RBM43: variants seen among roughly 807,000 people sequenced by gnomAD.
The protein encoded by RBM43 is RNA binding motif protein 43.
Under a neutral mutation model 12.4 loss-of-function variants are expected in RBM43, and 12 were observed. The ratio of observed to expected loss-of-function variants is 0.97; its 90% CI spans 0.62 to 1.57. RBM43 has a LOEUF of 1.57. Ranked by LOEUF, RBM43 falls within the 40% of genes most tolerant of loss-of-function variation. RBM43 has a pLI of 0.00. For missense variants in RBM43, 348 were observed against 400.1 expected (o/e 0.87, Z 1.11); for synonymous variants, 138 against 145.7 (o/e 0.95, Z 0.38).
Position 151,261,844 on chromosome 2 carries a change from T to C in RBM43, c.-117A>G. On this transcript the variant is annotated 5_prime_UTR_variant, in exon 1 of 4. Transcript: ENST00000331426. ...GTTTCGTTTTTTGTTCCAGCTCCCT[T>C]GGAGGCTACGAAGAAAAGGGCGGTC... The C allele has an allele frequency of 8.2e-7, 1 of 1,225,196 alleles. No individual in the cohort carries two copies. Among genetic ancestry groups the C allele is most frequent in the South Asian group, 1.4e-5 (1 of 70,268 alleles). 75.9% of individuals were successfully genotyped at this position (1,225,196 alleles called of 1,614,324 possible). A position where few individuals can be genotyped will look rare whatever the true frequency, so the allele number is the denominator to read the frequency against.
Position 151,258,867 on chromosome 2 carries a change from G to T in RBM43, c.3+2858C>A, listed in dbSNP as rs193077279. On this transcript the variant is annotated intron_variant, in intron 1 of 3. Transcript: ENST00000331426. ...AAGTAAATTATGGAATGCAGGCCGG[G>T]CACGGTGGCTCACACCTGTAATCCC... Among the ~76,000 whole-genome samples, 662 of 152,288 alleles carry T rather than the reference G, an allele frequency of 4.3e-3. 6 individuals carry two copies. Among genetic ancestry groups the T allele is most frequent in the Middle Eastern group, 0.02 (6 of 294 alleles).
Position 151,249,183 on chromosome 2 carries a change from AG to A in RBM43, c.*1722del, listed in dbSNP as rs1179137964. Reference sequence around the variant, plus strand: ...CTCCAAAGGCCAATGATTCTCCATGAGGTGAGTCAGCTTTGTATCCCACTTC... The same window carrying A: ...CTCCAAAGGCCAATGATTCTCCATGAGTGAGTCAGCTTTGTATCCCACTTC... On this transcript the variant is annotated 3_prime_UTR_variant, in exon 4 of 4. Coordinates refer to ENST00000331426, the MANE Select transcript of RBM43 (RefSeq NM_198557.3). 6.6e-6 allele frequency: 1 copy of A among 152,196 alleles called. No homozygotes were observed. The highest frequency in any genetic ancestry group is 2.4e-5 in the African/African-American group (1 of 41,442). 9.4% of individuals were successfully genotyped at this position (152,196 alleles called of 1,614,324 possible).
In RBM43 at chr2:151,251,168, T is replaced by C. The variant is rs1189239642; in HGVS notation, c.812A>G (p.Asn271Ser). The C allele has an allele frequency of 2.5e-6, 4 of 1,614,000 alleles. No individual in the cohort carries two copies. Among genetic ancestry groups the C allele is most frequent in the Non-Finnish European group, 3.4e-6 (4 of 1,180,030 alleles). ...LKSIQVGSQP[N>S]NAKHVKELIE... is the part of the protein sequence containing the mutation. ...GAGCTCTTTTACATGTTTTGCATTG[T>C]TTGGCTGAGAACCAACTTGAATGCT... Residue 271 changes from asparagine (N) to serine (S), a missense_variant, in exon 4 of 4, where the codon AAC (asparagine) becomes AGC (serine). By Grantham distance (46) the Asn-to-Ser change is conservative (BLOSUM62 1). Transcript: ENST00000331426.
At chr2:151,261,456 C>A in intron 1 of RBM43, 1 of 1,550,556 alleles carries the variant, frequency 6.4e-7, no homozygotes, top group Non-Finnish European at 8.7e-7. Flanking sequence ...GCCTCTGGAG[C>A]GGGCCTATAC....
intron 1 of RBM43, among the ~76,000 whole-genome samples, chr2:151,257,335 C>A (rs992340648): frequency 6.8e-6 from 1 of 146,782 alleles, no homozygotes; most frequent in African/African-American, 2.7e-5. Flanking sequence ...CACACACAAA[C>A]ACACACACAC....
chr2:151,248,859 T>A lies in RBM43; in HGVS notation c.*2047A>T, dbSNP rs1367850284. 3 of 152,166 alleles carry A rather than the reference T, an allele frequency of 2.0e-5. No homozygotes were observed. Among genetic ancestry groups the A allele is most frequent in the Non-Finnish European group, 1.5e-5 (1 of 68,026 alleles). 9.4% of individuals were successfully genotyped at this position (152,166 alleles called of 1,614,324 possible). ...AAGACAGGACAGAAAATAAAATACA[T>A]GCTTACCAGTAAGAATGATAAGCCT... On this transcript the variant is annotated 3_prime_UTR_variant, in exon 4 of 4. Transcript: ENST00000331426.
At chr2:151,259,148 A>AAAC (rs1683014410) in intron 1 of RBM43, among the ~76,000 whole-genome samples, 1 of 151,794 alleles carries the variant, frequency 6.6e-6, no homozygotes, top group Non-Finnish European at 1.5e-5. Flanking sequence ...CAAAAAAAAA[A>AAAC]AGGAAGAAAG....
At chr2:151,259,296 A>C (rs1683016504) in intron 1 of RBM43, among the ~76,000 whole-genome samples, 2 of 152,228 alleles carry the variant, frequency 1.3e-5, no homozygotes, top group African/African-American at 4.8e-5. Flanking sequence ...CCTGCTATAA[A>C]CAATATTTAC....
chr2:151,255,509 T>C (rs1466229127), intron 2 of RBM43, 24 bp downstream of exon 2: 1 of 1,468,406 alleles, frequency 6.8e-7, no homozygotes, highest in African/African-American at 1.4e-5. Flanking sequence ...TTTCTAAAAT[T>C]ACAAAAATTT....
chr2:151,251,731 T>C, intron 3 of RBM43, 67 bp from the exon 4 acceptor site: 1 of 1,443,816 alleles, frequency 6.9e-7, no homozygotes, highest in Non-Finnish European at 9.4e-7. Context: ...AACATGTTCT[T>C]TTCTGCCACT....
intron 1 of RBM43, chr2:151,261,254 G>T (rs1324939448): frequency 1.1e-5 from 17 of 1,545,250 alleles, no homozygotes; most frequent in Non-Finnish European, 1.4e-5. Flanking sequence ...TCCTTGGCTC[G>T]AATCGTTCTT....
chr2:151,250,447 A>C lies in RBM43; in HGVS notation c.*459T>G, dbSNP rs568615051. ...CCATCTCTACTAAAAAAATACAAAA[A>C]GATTAGCCGGGCGTGGTGGTGGGCA... On this transcript the variant is annotated 3_prime_UTR_variant, in exon 4 of 4. Transcript: ENST00000331426. 1 of 152,534 alleles carries C rather than the reference A, an allele frequency of 6.6e-6. No individual in the cohort carries two copies. Among genetic ancestry groups the C allele is most frequent in the East Asian group, 1.9e-4 (1 of 5,172 alleles). The allele number at this position is 152,534 out of a possible 1,614,324, so 9.4% of individuals were successfully genotyped here.
At chr2:151,259,981 C>G (rs1683026285) in intron 1 of RBM43, among the ~76,000 whole-genome samples, 1 of 150,998 alleles carries the variant, frequency 6.6e-6, no homozygotes, top group Admixed American at 6.6e-5. Context: ...TTCTCCTGCC[C>G]CAGCCTCCTG....
chr2:151,258,029 T>C (rs1475182149), intron 1 of RBM43, among the ~76,000 whole-genome samples: 1 of 151,136 alleles, frequency 6.6e-6, no homozygotes, highest in Non-Finnish European at 1.5e-5. Flanking sequence ...AATTGTGCCA[T>C]TGCACTCCAG....
At position 151,250,490 on chromosome 2, in the gene RBM43, T is replaced by TC. The variant is rs1382871260; in HGVS notation, c.*415dup. The TC allele has an allele frequency of 6.6e-6, 1 of 151,976 alleles. No individual in the cohort carries two copies. Among genetic ancestry groups the TC allele is most frequent in the Admixed American group, 6.6e-5 (1 of 15,050 alleles). The allele number at this position is 151,976 out of a possible 1,614,324, so 9.4% of individuals were successfully genotyped here. On this transcript the variant is annotated 3_prime_UTR_variant, in exon 4 of 4. Transcript: ENST00000331426. Reference sequence around the variant, plus strand: ...GGTGGGCACCTGTAGTCCCAGCTACTCCAGAGGTTGAGGCAGGAGAATGGT... The same window carrying TC: ...GGTGGGCACCTGTAGTCCCAGCTACTCCCAGAGGTTGAGGCAGGAGAATGGT...
At position 151,251,659 on chromosome 2, in the gene RBM43, G is replaced by C; in HGVS notation, c.321C>G (p.Phe107Leu). The C allele has an allele frequency of 1.9e-6, 3 of 1,603,698 alleles. No homozygotes were observed. Among genetic ancestry groups the C allele is most frequent in the Non-Finnish European group, 2.5e-6 (3 of 1,176,886 alleles). Residue 107 changes from phenylalanine (F) to leucine (L), a missense_variant, in exon 4 of 4, where the codon TTC becomes TTG. Coordinates refer to ENST00000331426, the MANE Select transcript of RBM43 (RefSeq NM_198557.3). ...LRVSHFGDKIFSSVNAILDLS... is the reference protein window; with the variant it reads ...LRVSHFGDKILSSVNAILDLS... Reference sequence around the variant, plus strand: ...GATCAAGGATGGCATTTACAGAGCTGAAGATCTGAAATTAAAAAGAGAGAA... The same window carrying C: ...GATCAAGGATGGCATTTACAGAGCTCAAGATCTGAAATTAAAAAGAGAGAA...
chr2:151,254,277 A>G (rs966818560), intron 2 of RBM43, among the ~76,000 whole-genome samples: 3 of 138,240 alleles, frequency 2.2e-5, no homozygotes, highest in Admixed American at 7.9e-5. Context: ...TGAATGAATG[A>G]CCGAGGCCAA....
intron 1 of RBM43, among the ~76,000 whole-genome samples, chr2:151,260,352 A>G (rs1283777696): frequency 6.6e-6 from 1 of 151,966 alleles, no homozygotes; most frequent in Admixed American, 6.6e-5. Context: ...TCGCCTCCCA[A>G]AGTGCTGGGA....
intron 2 of RBM43, among the ~76,000 whole-genome samples, chr2:151,254,485 A>G (rs919973414): frequency 6.6e-6 from 1 of 152,120 alleles, no homozygotes; most frequent in African/African-American, 2.4e-5. Context: ...AGGTACTGAA[A>G]ATCCATAGTG....
Sources: allele counts gnomAD v4.1 joint callset (sites outside exome capture counted in the v4.1 genomes callset), GRCh38; gene constraint gnomAD v4.1.1; transcripts MANE v1.5; gene names NCBI Gene and HGNC (gene_info 2026-07-23, HGNC 2026-07-21).